Variants in NRG3 observed in about 807,000 individuals in gnomAD.
NRG3 encodes neuregulin 3, also known as pro-neuregulin-3, membrane-bound isoform.
A neutral mutation model predicts 66.9 loss-of-function variants in NRG3; 31 were observed. That is an observed-to-expected ratio of 0.46 (90% CI 0.35 to 0.63). NRG3 has a LOEUF of 0.63. Among genes scored for constraint, NRG3 ranks in the 20% least tolerant of loss-of-function variants. The probability of loss-of-function intolerance (pLI) is 0.00; values close to 1 mark genes in which losing one functional copy is unlikely to be tolerated. For missense variants in NRG3, 910 were observed against 878.9 expected, an observed-to-expected ratio of 1.04 and a Z score of -0.45; for synonymous variants, 393 against 359.4, an observed-to-expected ratio of 1.09 and a Z score of -1.06.
intron 1 of NRG3, among the ~76,000 whole-genome samples, chr10:81,923,073 AT>A (rs1057205984): frequency 4.6e-5 from 7 of 152,236 alleles, no homozygotes; most frequent in Non-Finnish European, 8.8e-5. Flanking sequence ...TTATTAGGAA[AT>A]AATGAGAGTT....
At chr10:82,966,687 T>G (rs915784862) in intron 6 of NRG3, among the ~76,000 whole-genome samples, 4 of 152,196 alleles carry the variant, frequency 2.6e-5, no homozygotes, top group African/African-American at 4.8e-5. Context: ...CATAAGTTAT[T>G]TGGGATTCTA....
intron 2 of NRG3, among the ~76,000 whole-genome samples, chr10:82,659,224 T>A (rs17095406): frequency 0.026 from 3,920 of 152,360 alleles, 193 homozygotes; most frequent in African/African-American, 0.089. Flanking sequence ...CTAGATATTT[T>A]CTTCCATCAT....
At chr10:82,274,396 A>G (rs1000534813) in intron 1 of NRG3, among the ~76,000 whole-genome samples, 1 of 151,860 alleles carries the variant, frequency 6.6e-6, no homozygotes, top group Non-Finnish European at 1.5e-5. Context: ...TAAAAGAAGA[A>G]TTAGTTGTCA....
At chr10:82,912,624 G>A (rs1201836711) in intron 4 of NRG3, among the ~76,000 whole-genome samples, 2 of 151,982 alleles carry the variant, frequency 1.3e-5, no homozygotes, top group African/African-American at 2.4e-5. Flanking sequence ...GCTTTTAATT[G>A]GTTTAGGCTA....
At chr10:82,399,961 A>G (rs533513746) in intron 2 of NRG3, among the ~76,000 whole-genome samples, 25 of 152,310 alleles carry the variant, frequency 1.6e-4, no homozygotes, top group Admixed American at 1.1e-3. Context: ...CTTCTATGCC[A>G]TTCAACAAAT....
intron 1 of NRG3, among the ~76,000 whole-genome samples, chr10:82,311,849 G>A (rs938647788): frequency 2.0e-5 from 3 of 152,128 alleles, no homozygotes; most frequent in Non-Finnish European, 4.4e-5. Context: ...TAGACCTGAC[G>A]TTCATTTCCT....
chr10:82,862,947 C>T (rs1221456543), intron 3 of NRG3, among the ~76,000 whole-genome samples: 1 of 152,090 alleles, frequency 6.6e-6, no homozygotes. Flanking sequence ...CACCTATCAA[C>T]CTGTCATGTA....
chr10:82,877,659 G>A (rs902108957), intron 4 of NRG3, among the ~76,000 whole-genome samples: 1 of 151,024 alleles, frequency 6.6e-6, no homozygotes, highest in African/African-American at 2.4e-5. Flanking sequence ...AAAGTGCTGG[G>A]ATTACAGGCA....
chr10:82,795,882 T>G (rs1337084454), intron 3 of NRG3, among the ~76,000 whole-genome samples: 1 of 152,140 alleles, frequency 6.6e-6, no homozygotes, highest in Non-Finnish European at 1.5e-5. Context: ...TTTGGTCTGG[T>G]CGTTTAGGGC....
intron 4 of NRG3, among the ~76,000 whole-genome samples, chr10:82,925,434 G>GA (rs1244958602): frequency 6.6e-6 from 1 of 152,178 alleles, no homozygotes; most frequent in African/African-American, 2.4e-5. Flanking sequence ...CTGTTGAAAG[G>GA]ACTAAATGAC....
chr10:82,839,862 A>G (rs2062969140), intron 3 of NRG3, among the ~76,000 whole-genome samples: 1 of 152,146 alleles, frequency 6.6e-6, no homozygotes. Context: ...TTTCTAAACA[A>G]TCACTCTGCT....
intron 2 of NRG3, among the ~76,000 whole-genome samples, chr10:82,366,950 T>G (rs1042378045): frequency 6.6e-6 from 1 of 152,198 alleles, no homozygotes; most frequent in Non-Finnish European, 1.5e-5. Context: ...AGGAACATTT[T>G]TTAAACGCAG....
rs918978932 is a variant in NRG3 at position 82,372,957 on chromosome 10, C to T, written c.953+14089C>T. On this transcript the variant is annotated intron_variant, in intron 2 of 8. Transcript: ENST00000372141. ...TCTAAAATTTTCCTAAAGAATTAAA[C>T]ATATCCACTTAAGGATGCGTTGACC... 3.3e-5 allele frequency among the ~76,000 whole-genome samples: 5 copies of T among 152,304 alleles called. No individual in the cohort carries two copies. In the South Asian group the frequency reaches 6.2e-4, roughly 19 times the overall value.
chr10:82,175,877 AT>A (rs2072998676), intron 1 of NRG3, among the ~76,000 whole-genome samples: 1 of 152,124 alleles, frequency 6.6e-6, no homozygotes, highest in South Asian at 2.1e-4. Flanking sequence ...ATATCATTTC[AT>A]TTGATTTCTA....
intron 2 of NRG3, among the ~76,000 whole-genome samples, chr10:82,724,676 G>A (rs1340819486): frequency 6.6e-6 from 1 of 152,108 alleles, no homozygotes; most frequent in Non-Finnish European, 1.5e-5. Context: ...AGCTTGCTCT[G>A]TGATGTCTGC....
intron 3 of NRG3, among the ~76,000 whole-genome samples, chr10:82,755,680 G>T (rs1415507228): frequency 1.3e-5 from 2 of 152,120 alleles, no homozygotes; most frequent in African/African-American, 4.8e-5. Flanking sequence ...TATCTGCTGA[G>T]AAGGACAAAA....
At chr10:82,740,311 G>T (rs1048562646) in intron 3 of NRG3, among the ~76,000 whole-genome samples, 1 of 150,704 alleles carries the variant, frequency 6.6e-6, no homozygotes, top group Non-Finnish European at 1.5e-5. Flanking sequence ...TTCAGTACAG[G>T]TTACAAAGGG....
At chr10:82,908,386 T>C (rs1364001266) in intron 4 of NRG3, among the ~76,000 whole-genome samples, 1 of 152,308 alleles carries the variant, frequency 6.6e-6, no homozygotes, top group African/African-American at 2.4e-5. Context: ...TCCACCTCGG[T>C]ACCCTGCATA....
At chr10:82,685,466 C>G (rs2054443225) in intron 2 of NRG3, among the ~76,000 whole-genome samples, 1 of 152,196 alleles carries the variant, frequency 6.6e-6, no homozygotes, top group Non-Finnish European at 1.5e-5. Flanking sequence ...GATACAAAGA[C>G]TGGAAGTTGC....
Sources: allele counts gnomAD v4.1 joint callset (sites outside exome capture counted in the v4.1 genomes callset), GRCh38; gene constraint gnomAD v4.1.1; transcripts MANE v1.5; gene names NCBI Gene and HGNC (gene_info 2026-07-23, HGNC 2026-07-21).